The following NXPH1 variants were observed in gnomAD, a reference collection of about 807,000 sequenced individuals.
NXPH1 encodes the protein neurexophilin-1.
Under a neutral mutation model 23.7 loss-of-function variants are expected in NXPH1, and 5 were observed. The ratio of observed to expected loss-of-function variants is 0.21; its 90% CI spans 0.11 to 0.44. The LOEUF (loss-of-function observed/expected upper bound fraction) is 0.44. Ranked by LOEUF, NXPH1 falls within the 20% of genes least tolerant of loss-of-function variation. The pLI is 0.99. For synonymous variants in NXPH1, 144 were observed against 122.2 expected (o/e 1.18, Z -1.18); for missense variants, 324 against 321.6 (o/e 1.01, Z -0.06).
At chr7:8,451,725 TA>T (rs940780289) in intron 2 of NXPH1, among the ~76,000 whole-genome samples, 7 of 152,222 alleles carry the variant, frequency 4.6e-5, no homozygotes, top group African/African-American at 1.7e-4. Flanking sequence ...ACCCTCCTCT[TA>T]TATTCAGAAG....
At chr7:8,631,618 A>C (rs116925744) in intron 2 of NXPH1, among the ~76,000 whole-genome samples, 2,300 of 152,152 alleles carry the variant, frequency 0.015, 32 homozygotes, top group Non-Finnish European at 0.019. Flanking sequence ...TATTTTTGAC[A>C]GCTTTGTTGA....
chr7:8,449,983 G>C (rs2158590), intron 2 of NXPH1, among the ~76,000 whole-genome samples: 91,128 of 152,132 alleles, frequency 0.6, 29,776 homozygotes, highest in African/African-American at 0.86. Context: ...AAGCATTTTA[G>C]GAAGTCTGCA....
chr7:8,487,123 C>CATAT (rs1179895215), intron 2 of NXPH1, among the ~76,000 whole-genome samples: 2 of 152,032 alleles, frequency 1.3e-5, no homozygotes, highest in Admixed American at 1.3e-4. Flanking sequence ...ATCTACTTAT[C>CATAT]ATATATTCTA....
intron 2 of NXPH1, among the ~76,000 whole-genome samples, chr7:8,717,903 T>C (rs1779903775): frequency 6.6e-6 from 1 of 150,810 alleles, no homozygotes; most frequent in Non-Finnish European, 1.5e-5. Flanking sequence ...TGTATATATA[T>C]ATATATATAC....
rs1365422951 is a variant in NXPH1 at position 8,434,436 on chromosome 7, T to G, written c.-430T>G. 1 of 154,150 alleles carries G rather than the reference T, an allele frequency of 6.5e-6. No individual in the cohort carries two copies. Among genetic ancestry groups the G allele is most frequent in the Non-Finnish European group, 1.4e-5 (1 of 69,320 alleles). The allele number at this position is 154,150 out of a possible 1,614,324, so 9.5% of individuals were successfully genotyped here. On this transcript the variant is annotated 5_prime_UTR_variant, in exon 1 of 3. Transcript: ENST00000405863. The surrounding 1 kb of genome is among the most constrained non-coding windows in gnomAD (Gnocchi z 7.6). The stretch of plus-strand genomic sequence containing the variant: ...CGCATTCCCCTCTCTCCCTCCCTCT[T>G]GCTCTCCCTCCCTTTCTGTCTTCCT...
intron 2 of NXPH1, among the ~76,000 whole-genome samples, chr7:8,712,850 C>G (rs1779817779): frequency 6.6e-6 from 1 of 152,098 alleles, no homozygotes; most frequent in South Asian, 2.1e-4. Context: ...AGGATCCTTT[C>G]TTTACTCCTG....
chr7:8,478,835 G>A (rs1171636225), intron 2 of NXPH1, among the ~76,000 whole-genome samples: 2 of 151,648 alleles, frequency 1.3e-5, no homozygotes, highest in African/African-American at 2.4e-5. Context: ...ACAAAATGGA[G>A]TAACATACTT....
chr7:8,644,502 T>C (rs76055500), intron 2 of NXPH1, among the ~76,000 whole-genome samples: 7,199 of 152,216 alleles, frequency 0.047, 379 homozygotes, highest in East Asian at 0.17. Flanking sequence ...GAAATCCTTC[T>C]GTATTTCTGG....
At chr7:8,664,740 T>G (rs926037347) in intron 2 of NXPH1, among the ~76,000 whole-genome samples, 4 of 152,118 alleles carry the variant, frequency 2.6e-5, no homozygotes, top group Non-Finnish European at 5.9e-5. Flanking sequence ...TGCAAGGTGA[T>G]AGCTCATTGT....
chr7:8,691,392 G>A (rs929405477), intron 2 of NXPH1, among the ~76,000 whole-genome samples: 1 of 151,992 alleles, frequency 6.6e-6, no homozygotes, highest in African/African-American at 2.4e-5. Context: ...CAGGTGACCC[G>A]CTCTCCTCAG....
intron 2 of NXPH1, among the ~76,000 whole-genome samples, chr7:8,734,954 G>C (rs944627304): frequency 2.6e-5 from 4 of 152,106 alleles, no homozygotes; most frequent in Non-Finnish European, 4.4e-5. Flanking sequence ...TCTGTTATTG[G>C]AGTATAAAAA....
intron 2 of NXPH1, among the ~76,000 whole-genome samples, chr7:8,648,208 T>A (rs1349750569): frequency 6.6e-6 from 1 of 152,180 alleles, no homozygotes; most frequent in Admixed American, 6.5e-5. Flanking sequence ...TCCAATTAAG[T>A]TATTTTTGAC....
At chr7:8,465,703 A>C (rs1330116482) in intron 2 of NXPH1, among the ~76,000 whole-genome samples, 3 of 152,152 alleles carry the variant, frequency 2.0e-5, no homozygotes, top group African/African-American at 7.2e-5. Flanking sequence ...AAATTATTTA[A>C]ACCACTTAAA....
At chr7:8,716,519 A>G (rs1779881254) in intron 2 of NXPH1, among the ~76,000 whole-genome samples, 1 of 152,252 alleles carries the variant, frequency 6.6e-6, no homozygotes, top group Admixed American at 6.5e-5. Context: ...TTATTGTATC[A>G]GACAGCAATA....
intron 2 of NXPH1, among the ~76,000 whole-genome samples, chr7:8,563,982 T>C (rs1477920091): frequency 1.3e-5 from 2 of 151,806 alleles, no homozygotes; most frequent in African/African-American, 4.8e-5. Context: ...CCAGTTGGAA[T>C]TTGAATAGGG....
chr7:8,575,434 G>C (rs904400060), intron 2 of NXPH1, among the ~76,000 whole-genome samples: 2 of 152,110 alleles, frequency 1.3e-5, no homozygotes, highest in African/African-American at 4.8e-5. Flanking sequence ...TGTCCTAATA[G>C]AAATTTGGAG....
At chr7:8,533,634 T>C (rs1245986586) in intron 2 of NXPH1, among the ~76,000 whole-genome samples, 1 of 152,184 alleles carries the variant, frequency 6.6e-6, no homozygotes, top group African/African-American at 2.4e-5. Context: ...TTCTGCTTTT[T>C]CCAAATTTTG....
At chr7:8,600,413 A>G (rs1434768322) in intron 2 of NXPH1, among the ~76,000 whole-genome samples, 4 of 152,052 alleles carry the variant, frequency 2.6e-5, no homozygotes, top group Admixed American at 2.0e-4. Flanking sequence ...TCTCTGATCT[A>G]TCTGTTTAGT....
intron 2 of NXPH1, among the ~76,000 whole-genome samples, chr7:8,548,001 T>G (rs981589833): frequency 1.3e-5 from 2 of 151,546 alleles, no homozygotes; most frequent in Non-Finnish European, 3.0e-5. Flanking sequence ...GGTAGATACC[T>G]ACTAGTGGGA....
Sources: allele counts gnomAD v4.1 joint callset (sites outside exome capture counted in the v4.1 genomes callset), GRCh38; gene constraint gnomAD v4.1.1; non-coding constraint Gnocchi (gnomAD v3.1); transcripts MANE v1.5; gene names NCBI Gene and HGNC (gene_info 2026-07-23, HGNC 2026-07-21).